PTPN3: variants seen among roughly 807,000 people sequenced by gnomAD.
PTPN3 encodes tyrosine-protein phosphatase non-receptor type 3.
In PTPN3, 96 loss-of-function variants were observed where a neutral mutation model predicts 132.7. The observed-to-expected ratio is 0.72, with a 90% CI of 0.61 to 0.86. PTPN3 has a LOEUF of 0.86. PTPN3 is among the 40% of genes least tolerant of loss of function. The pLI is 0.00. For missense variants in PTPN3, 1,125 were observed against 1,159.6 expected (o/e 0.97, Z 0.43); for synonymous variants, 398 against 429.0 (o/e 0.93, Z 0.89).
rs554680072 is a variant in PTPN3 at position 109,478,778 on chromosome 9, T to C, written c.-17-15327A>G. Among the ~76,000 whole-genome samples the C allele has an allele frequency of 8.5e-5, 13 of 152,168 alleles. No homozygotes were observed. The East Asian group carries it at 2.5e-3, about 29-fold the overall frequency. On this transcript the variant is annotated intron_variant, in intron 1 of 25. Transcript: ENST00000374541. ...GATGGGAAGCCATTCCCTGAGCAACTCCCATGACCCAGGAGAGAGCCCACA... is the reference window on the plus strand; with the variant it reads ...GATGGGAAGCCATTCCCTGAGCAACCCCCATGACCCAGGAGAGAGCCCACA...
intron 10 of PTPN3, among the ~76,000 whole-genome samples, chr9:109,431,882 G>A (rs1178513424): frequency 6.6e-6 from 1 of 151,930 alleles, no homozygotes; most frequent in Non-Finnish European, 1.5e-5. Flanking sequence ...TGAAACTGGG[G>A]ATAATAACCT....
the PTPN3 span, among the ~76,000 whole-genome samples, chr9:109,526,351 TTA>T: frequency 1.1e-3 from 169 of 147,002 alleles, 1 homozygote; most frequent in African/African-American, 3.2e-3. Flanking sequence ...TTTTTTTTTT[TTA>T]AAGTGGAAAT....
rs7848612 is a variant in PTPN3 at position 109,425,165 on chromosome 9, A to G, written c.1001+1785T>C. ...TAAGAGCTAAAAACTTAATATATTC[A>G]CTCTTGGTTCATCAGAAGCTGAGAG... On this transcript the variant is annotated intron_variant, in intron 12 of 25. Coordinates refer to ENST00000374541, the MANE Select transcript of PTPN3 (RefSeq NM_002829.4). Among the ~76,000 whole-genome samples, 1,196 of 152,228 alleles carry G rather than the reference A, an allele frequency of 7.9e-3. 14 individuals carry two copies. The highest frequency in any genetic ancestry group is 0.027 in the African/African-American group (1,131 of 41,522).
intron 19 of PTPN3, among the ~76,000 whole-genome samples, chr9:109,396,496 A>G (rs1182333996): frequency 6.6e-6 from 1 of 152,204 alleles, no homozygotes; most frequent in Non-Finnish European, 1.5e-5. Flanking sequence ...ATTCTGTCCT[A>G]GAATGGGAGT....
At chr9:109,422,994 G>T in intron 12 of PTPN3, 142 bp from the exon 13 acceptor site, 1 of 1,009,152 alleles carries the variant, frequency 9.9e-7, no homozygotes, top group Non-Finnish European at 1.4e-6. Flanking sequence ...GAGGGAGACA[G>T]CTCAAAAGCG....
the PTPN3 span, among the ~76,000 whole-genome samples, chr9:109,516,188 C>T: frequency 6.6e-6 from 1 of 152,198 alleles, no homozygotes; most frequent in Non-Finnish European, 1.5e-5. Context: ...CCAACCCACT[C>T]ATTCACTCGT....
chr9:109,499,883 C>G (rs1330656782), upstream of PTPN3, among the ~76,000 whole-genome samples: 1 of 152,176 alleles, frequency 6.6e-6, no homozygotes, highest in Non-Finnish European at 1.5e-5. Context: ...GAGTCGCCAG[C>G]AAAACCTGGA....
At chr9:109,438,292 G>C in intron 7 of PTPN3, 58 bp from the exon 8 acceptor site, 1 of 1,518,354 alleles carries the variant, frequency 6.6e-7, no homozygotes. Flanking sequence ...AATATGGTTT[G>C]CATTTATAAG....
chr9:109,433,071 AC>A lies in PTPN3; in HGVS notation c.764+1del. ...AAAATAATGAGAACTGTTTGCACTT[AC>A]CAAGGATAGAAACTTGTGCAAATGT... On this transcript the variant is annotated splice_donor_variant, in intron 10 of 25. Coordinates refer to ENST00000374541, the MANE Select transcript of PTPN3 (RefSeq NM_002829.4). LOFTEE classifies it high-confidence loss of function. 1 of 1,613,974 alleles carries A rather than the reference AC, an allele frequency of 6.2e-7. No homozygotes were observed. Among genetic ancestry groups the A allele is most frequent in the Non-Finnish European group, 8.5e-7 (1 of 1,179,950 alleles).
intron 5 of PTPN3, chr9:109,449,211 C>T: frequency 9.4e-7 from 1 of 1,067,084 alleles, no homozygotes; most frequent in Non-Finnish European, 1.1e-6. Context: ...CCAGAACCCA[C>T]AGGGGCTCTG....
chr9:109,382,533 T>C, intron 23 of PTPN3, 86 bp from the exon 24 acceptor site: 1 of 1,464,892 alleles, frequency 6.8e-7, no homozygotes, highest in African/African-American at 1.4e-5. Context: ...GGTGGCCCTG[T>C]CTCCTGATGC....
chr9:109,464,400 G>A (rs932592037), intron 1 of PTPN3, among the ~76,000 whole-genome samples: 5 of 152,284 alleles, frequency 3.3e-5, no homozygotes, highest in South Asian at 4.1e-4. Flanking sequence ...CAGGGCCTAC[G>A]TGAGGGTGAA....
chr9:109,392,748 T>C (rs1164424245), intron 19 of PTPN3: 1 of 152,040 alleles, frequency 6.6e-6, no homozygotes, highest in Non-Finnish European at 1.5e-5. Flanking sequence ...GGACTACAGG[T>C]GTGCATCACC....
At chr9:109,529,039 G>A in the PTPN3 span, among the ~76,000 whole-genome samples, 1 of 152,102 alleles carries the variant, frequency 6.6e-6, no homozygotes, top group African/African-American at 2.4e-5. Flanking sequence ...TCCCATCATC[G>A]TGGGGGAAGG....
At chr9:109,400,929 T>C (rs1841036937) in intron 19 of PTPN3, among the ~76,000 whole-genome samples, 1 of 152,222 alleles carries the variant, frequency 6.6e-6, no homozygotes, top group South Asian at 2.1e-4. Context: ...TTTCACATGA[T>C]GGTCTGTTTA....
Position 109,379,499 on chromosome 9 carries a change from C to T in PTPN3, c.*57G>A, listed in dbSNP as rs1056136659. The T allele has an allele frequency of 6.0e-6, 9 of 1,497,830 alleles. No homozygotes were observed. The African/African-American group carries it at 8.3e-5, about 14-fold the overall frequency. 92.8% of individuals were successfully genotyped at this position (1,497,830 alleles called of 1,614,324 possible). A position where few individuals can be genotyped will look rare whatever the true frequency, so the allele number is the denominator to read the frequency against. ...CTTGCTGCTTCCAGAGAGGTCTGTCCTCCTCTTTCAAGGAGGATGCCCTTG... is the reference window on the plus strand; with the variant it reads ...CTTGCTGCTTCCAGAGAGGTCTGTCTTCCTCTTTCAAGGAGGATGCCCTTG... On this transcript the variant is annotated 3_prime_UTR_variant, in exon 26 of 26. Coordinates refer to ENST00000374541, the MANE Select transcript of PTPN3 (RefSeq NM_002829.4).
intron 19 of PTPN3, among the ~76,000 whole-genome samples, chr9:109,393,573 GAC>G (rs1840316365): frequency 6.6e-6 from 1 of 151,888 alleles, no homozygotes; most frequent in Non-Finnish European, 1.5e-5. Flanking sequence ...TTTTAGTAGA[GAC>G]AGGGTTTCAT....
the PTPN3 span, among the ~76,000 whole-genome samples, chr9:109,536,728 A>G: frequency 0.46 from 69,533 of 151,802 alleles, 16,796 homozygotes; most frequent in East Asian, 0.85. Flanking sequence ...GACCCTGCCA[A>G]CTCCTTTGAA....
intron 22 of PTPN3, among the ~76,000 whole-genome samples, chr9:109,385,116 G>C (rs763521124): frequency 1.6e-4 from 24 of 152,194 alleles, no homozygotes; most frequent in Admixed American, 1.0e-3. Context: ...ACCAATATCT[G>C]TACTGCCAGA....
Sources: allele counts gnomAD v4.1 joint callset (sites outside exome capture counted in the v4.1 genomes callset), GRCh38; gene constraint gnomAD v4.1.1; transcripts MANE v1.5; gene names NCBI Gene and HGNC (gene_info 2026-07-23, HGNC 2026-07-21).